The following GPSM2 variants were observed in gnomAD, a reference collection of about 807,000 sequenced individuals.
The protein encoded by GPSM2 is G protein signaling modulator 2.
In GPSM2, 58 loss-of-function variants were observed where a neutral mutation model predicts 78.4. That is an observed-to-expected ratio of 0.74 (90% CI 0.60 to 0.92). The LOEUF (loss-of-function observed/expected upper bound fraction) is 0.92. Among genes scored for constraint, GPSM2 ranks in the 40% least tolerant of loss-of-function variants. The pLI is 0.00. For missense variants in GPSM2, 700 were observed against 815.5 expected (o/e 0.86, Z 1.73); for synonymous variants, 224 against 280.2 (o/e 0.80, Z 2.00).
rs563410970 is a variant in GPSM2, at chr1:108,933,479, C to T, written c.*3539C>T. 1.1e-3 allele frequency: 171 copies of T among 151,944 alleles called. No homozygotes were observed. Among genetic ancestry groups the T allele is most frequent in the African/African-American group, 4.0e-3 (165 of 41,398 alleles). The allele number at this position is 151,944 out of a possible 1,614,324, so 9.4% of individuals were successfully genotyped here. On this transcript the variant is annotated 3_prime_UTR_variant, in exon 15 of 15. Transcript: ENST00000264126. The stretch of plus-strand genomic sequence containing the variant: ...TGTTACAGGCACGTAAGTAACACTT[C>T]CTGGATCCAAAAATGTGTATTCTGC...
intron 2 of GPSM2, among the ~76,000 whole-genome samples, chr1:108,886,413 A>G (rs1647552518): frequency 1.3e-5 from 2 of 152,218 alleles, no homozygotes; most frequent in African/African-American, 4.8e-5. Context: ...TGGTTTGGTA[A>G]TCCCTAATTT....
intron 10 of GPSM2, among the ~76,000 whole-genome samples, chr1:108,910,906 TTAATG>T (rs1350112980): frequency 6.6e-6 from 1 of 151,608 alleles, no homozygotes; most frequent in Non-Finnish European, 1.5e-5. Flanking sequence ...AGAAAATCAA[TTAATG>T]TAATTCACTA....
chr1:108,893,919 G>A (rs1474909530), intron 2 of GPSM2, among the ~76,000 whole-genome samples: 5 of 152,066 alleles, frequency 3.3e-5, no homozygotes, highest in Admixed American at 2.0e-4. Flanking sequence ...GCTGGGCACG[G>A]TGGTGCATGC....
intron 12 of GPSM2, 27 bp downstream of exon 12, chr1:108,918,816 T>C (rs1650474050): frequency 6.5e-7 from 1 of 1,542,854 alleles, no homozygotes; most frequent in East Asian, 2.2e-5. Context: ...TTTTTGAGTA[T>C]TGTGTTTTGA....
At chr1:108,925,824 GTTT>G (rs371937560) in intron 14 of GPSM2, among the ~76,000 whole-genome samples, 1 of 146,878 alleles carries the variant, frequency 6.8e-6, no homozygotes, top group Non-Finnish European at 1.5e-5. Context: ...CAAATGTGGG[GTTT>G]TTTTTTTTCT....
chr1:108,929,939 A>T lies in GPSM2; in HGVS notation c.2054A>T (p.Ter685LeuextTer13), dbSNP rs1296325430. 1.2e-6 allele frequency: 2 copies of T among 1,612,562 alleles called. No individual in the cohort carries two copies. Residue 685 changes from the stop codon to leucine (L), a stop_lost, in exon 15 of 15, where the codon TAG becomes TTG. Coordinates refer to ENST00000264126, the MANE Select transcript of GPSM2 (RefSeq NM_013296.5). ...KNSGKKSADH[*>L] ...TCAGGGAAAAAATCGGCAGACCATT[A>T]GTTACTATGGATTTATTTTTTTTCC...
chr1:108,927,504 A>G (rs839860), intron 14 of GPSM2, among the ~76,000 whole-genome samples: 54,377 of 152,038 alleles, frequency 0.36, 11,343 homozygotes, highest in African/African-American at 0.57. Context: ...GTGGTCAAAT[A>G]ATATGCAACA....
chr1:108,907,413 G>T (rs369132585), intron 10 of GPSM2, among the ~76,000 whole-genome samples: 2 of 152,112 alleles, frequency 1.3e-5, no homozygotes, highest in East Asian at 3.9e-4. Context: ...AGTTTCTGGG[G>T]GAAAGGCATC....
At position 108,878,095 on chromosome 1, in the gene GPSM2, T is replaced by C. The variant is rs1570859009; in HGVS notation, c.-249+867T>C. ...TTTTCAAGCTGCCACTTTAGAAGGG[T>C]GTACCGAAGATTTCTGGCCTGATAA... is the stretch of plus-strand genomic sequence containing the variant. On this transcript the variant is annotated intron_variant, in intron 1 of 14. Coordinates refer to ENST00000264126, the MANE Select transcript of GPSM2 (RefSeq NM_013296.5). 2.0e-5 allele frequency among the ~76,000 whole-genome samples: 3 copies of C among 152,280 alleles called. No homozygotes were observed. The South Asian group carries it at 6.2e-4, about 32-fold the overall frequency.
At chr1:108,900,742 A>C (rs908160061) in intron 7 of GPSM2, among the ~76,000 whole-genome samples, 2 of 152,234 alleles carry the variant, frequency 1.3e-5, no homozygotes, top group African/African-American at 4.8e-5. Flanking sequence ...GCAATTCCAA[A>C]AGTCTTTCAA....
At chr1:108,897,893 A>T in intron 4 of GPSM2, 66 bp from the exon 5 acceptor site, 2 of 1,529,688 alleles carry the variant, frequency 1.3e-6, no homozygotes, top group Non-Finnish European at 1.8e-6. Flanking sequence ...TAAGGATATT[A>T]CAAATATATA....
At chr1:108,890,153 T>C (rs1647869192) in intron 2 of GPSM2, among the ~76,000 whole-genome samples, 2 of 152,224 alleles carry the variant, frequency 1.3e-5, no homozygotes, top group African/African-American at 2.4e-5. Context: ...TAGCACCAAC[T>C]GTATTAAAAT....
At chr1:108,929,285 C>T (rs1471351893) in intron 14 of GPSM2, among the ~76,000 whole-genome samples, 1 of 152,066 alleles carries the variant, frequency 6.6e-6, no homozygotes, top group Non-Finnish European at 1.5e-5. Flanking sequence ...TAAGGTAGTT[C>T]CTCATGGGGT....
chr1:108,897,274 G>C (rs1032499637), intron 3 of GPSM2, among the ~76,000 whole-genome samples, 189 bp downstream of exon 3: 2 of 152,142 alleles, frequency 1.3e-5, no homozygotes, highest in Non-Finnish European at 2.9e-5. Flanking sequence ...ATTGACCCTA[G>C]AGTTTAATTA....
intron 2 of GPSM2, among the ~76,000 whole-genome samples, chr1:108,893,649 T>A (rs1004523726): frequency 6.6e-6 from 1 of 152,218 alleles, no homozygotes; most frequent in African/African-American, 2.4e-5. Flanking sequence ...CAAATAAAAA[T>A]ATCTTTTCCA....
chr1:108,918,043 G>C (rs1025003745), intron 11 of GPSM2, among the ~76,000 whole-genome samples: 1 of 152,008 alleles, frequency 6.6e-6, no homozygotes. Flanking sequence ...CAGAGCTATT[G>C]TATGTAGTGC....
intron 11 of GPSM2, among the ~76,000 whole-genome samples, chr1:108,918,108 T>C (rs182526501): frequency 6.6e-6 from 1 of 152,314 alleles, no homozygotes; most frequent in African/African-American, 2.4e-5. Flanking sequence ...GGCTGTCATG[T>C]ATTTAAACCA....
At chr1:108,889,463 A>G (rs1055655732) in intron 2 of GPSM2, among the ~76,000 whole-genome samples, 1 of 152,244 alleles carries the variant, frequency 6.6e-6, no homozygotes, top group Non-Finnish European at 1.5e-5. Flanking sequence ...GGACCAGTGT[A>G]AGCATGCTAG....
chr1:108,883,708 C>G (rs1315656891), intron 1 of GPSM2, among the ~76,000 whole-genome samples: 1 of 152,104 alleles, frequency 6.6e-6, no homozygotes, highest in Non-Finnish European at 1.5e-5. Context: ...GGTATGGATT[C>G]ATTTTTATTT....
Sources: gnomAD v4.1 joint callset for allele counts (sites outside exome capture counted in the v4.1 genomes callset) on GRCh38, gnomAD v4.1.1 for gene constraint, MANE v1.5 for transcripts, NCBI Gene and HGNC (gene_info 2026-07-23, HGNC 2026-07-21) for gene names.